SH2D5: variants seen among roughly 807,000 people sequenced by gnomAD.
SH2D5 encodes SH2 domain-containing protein 5.
A neutral mutation model predicts 48.2 loss-of-function variants in SH2D5; 45 were observed. The observed-to-expected ratio is 0.93, with a 90% CI of 0.73 to 1.20. The LOEUF is 1.20. Among genes scored for constraint, SH2D5 ranks in the 50% most tolerant of loss-of-function variants. SH2D5 has a pLI of 0.00. For synonymous variants in SH2D5, 230 were observed against 249.8 expected, an observed-to-expected ratio of 0.92 and a Z score of 0.75; for missense variants, 538 against 584.1, an observed-to-expected ratio of 0.92 and a Z score of 0.81.
chr1:20,726,991 G>A lies in SH2D5; in HGVS notation c.243+10C>T, dbSNP rs200257176. 8.9e-5 allele frequency: 143 copies of A among 1,607,292 alleles called. No individual in the cohort carries two copies. The highest frequency in any genetic ancestry group is 1.2e-4 in the Non-Finnish European group (136 of 1,176,724). ...CTCCAGTCCTCACCTGCACCCACAG[G>A]GGTTCCTACCTCACCCTCCCCGCTG... On this transcript the variant is annotated intron_variant, in intron 4 of 9. Transcript: ENST00000444387.
chr1:20,727,168 C>T, intron 3 of SH2D5, 93 bp from the exon 4 acceptor site: 10 of 1,060,848 alleles, frequency 9.4e-6, no homozygotes, highest in Admixed American at 2.4e-5. Context: ...GGCTGGTCAG[C>T]CCACTCCACC....
Position 20,723,680 on chromosome 1 carries a change from A to G in SH2D5, c.854T>C (p.Val285Ala). The stretch of plus-strand genomic sequence containing the variant: ...CTCCGTCAGGCTGCCCTCGCTCTCC[A>G]CCAGGCACGAGTGGCCACCAGGACC... The part of the protein sequence containing the change: ...PRGPGGHSCL[V>A]ESEGSLTENI... Residue 285 changes from valine (V) to alanine (A), a missense_variant, in exon 8 of 10, where the codon GTG (valine) becomes GCG (alanine). By Grantham distance (64) the Val-to-Ala change is moderately conservative (BLOSUM62 0). Coordinates refer to ENST00000444387, the MANE Select transcript of SH2D5 (RefSeq NM_001103161.2). 1 of 1,613,098 alleles carries G rather than the reference A, an allele frequency of 6.2e-7. No individual in the cohort carries two copies. The highest frequency in any genetic ancestry group is 8.5e-7 in the Non-Finnish European group (1 of 1,179,994).
In SH2D5 at chr1:20,720,587, T is replaced by C. The variant is rs2054666399; in HGVS notation, c.*1205A>G. ...TAAGAGAAGTTCATGCAAAATGAACTTGTTCTATAACAGAGTTCAGTAGAT... is the reference window on the plus strand; with the variant it reads ...TAAGAGAAGTTCATGCAAAATGAACCTGTTCTATAACAGAGTTCAGTAGAT... On this transcript the variant is annotated 3_prime_UTR_variant, in exon 10 of 10. Transcript: ENST00000444387. 1 of 152,270 alleles carries C rather than the reference T, an allele frequency of 6.6e-6. No homozygotes were observed. Among genetic ancestry groups the C allele is most frequent in the African/African-American group, 2.4e-5 (1 of 41,476 alleles). The allele number at this position is 152,270 out of a possible 1,614,324, so 9.4% of individuals were successfully genotyped here.
At position 20,727,076 on chromosome 1, in the gene SH2D5, C is replaced by G. The variant is rs1192207182; in HGVS notation, c.169-1G>C. 4 of 1,610,430 alleles carry G rather than the reference C, an allele frequency of 2.5e-6. No homozygotes were observed. The highest frequency in any genetic ancestry group is 3.4e-6 in the Non-Finnish European group (4 of 1,178,282). The stretch of plus-strand genomic sequence containing the variant: ...TGACGGCCCGGCGTCGGGGACAGTC[C>G]TGGGTGGAAAAGAGTAGTGGGGACA... On this transcript the variant is annotated splice_acceptor_variant, in intron 3 of 9. Transcript: ENST00000444387. LOFTEE classifies it high-confidence loss of function.
intron 8 of SH2D5, among the ~76,000 whole-genome samples, chr1:20,723,359 C>T (rs1276930201): frequency 1.3e-5 from 2 of 152,244 alleles, no homozygotes; most frequent in African/African-American, 2.4e-5. Flanking sequence ...TTAGGGGCCT[C>T]GCCCTGTTCA....
chr1:20,723,751 G>A lies in SH2D5; in HGVS notation c.800-17C>T, dbSNP rs553300148. The stretch of plus-strand genomic sequence containing the variant: ...CGGCAGGAACTGTGGAGACCATCCA[G>A]GAGTCAGAAGGAGAGTGGCCGAGCC... On this transcript the variant is annotated splice_polypyrimidine_tract_variant and intron_variant, in intron 7 of 9. Coordinates refer to ENST00000444387, the MANE Select transcript of SH2D5 (RefSeq NM_001103161.2). 3.8e-6 allele frequency: 6 copies of A among 1,598,022 alleles called. No homozygotes were observed. In the South Asian group the frequency reaches 6.6e-5, roughly 18 times the overall value.
Position 20,721,749 on chromosome 1 carries a change from G to C in SH2D5, c.*43C>G. 6.9e-7 allele frequency: 1 copy of C among 1,458,826 alleles called. No homozygotes were observed. Among genetic ancestry groups the C allele is most frequent in the Non-Finnish European group, 9.1e-7 (1 of 1,096,276 alleles). The allele number at this position is 1,458,826 out of a possible 1,614,324, so 90.4% of individuals were successfully genotyped here. A position where few individuals can be genotyped will look rare whatever the true frequency, so the allele number is the denominator to read the frequency against. ...GGGCAGAGATGCTGCTGGGGCCCAG[G>C]AGCCGGGGTGAGGCGGGGCCTGTGG... On this transcript the variant is annotated 3_prime_UTR_variant, in exon 10 of 10. Transcript: ENST00000444387.
In SH2D5 at chr1:20,728,100, G is replaced by T. The variant is rs534837198; in HGVS notation, c.-42-14C>A. The T allele has an allele frequency of 1.1e-5, 14 of 1,297,248 alleles. No individual in the cohort carries two copies. Among genetic ancestry groups the T allele is most frequent in the Admixed American group, 4.1e-5 (2 of 48,394 alleles). The allele number at this position is 1,297,248 out of a possible 1,614,324, so 80.4% of individuals were successfully genotyped here. A position where few individuals can be genotyped will look rare whatever the true frequency, so the allele number is the denominator to read the frequency against. ...CGGGAGGGGAGGCTGCAAAGGGCAG[G>T]GGGGGAAGGGCTGCTTTCGAGGCAG... On this transcript the variant is annotated splice_polypyrimidine_tract_variant and intron_variant, in intron 1 of 9. Coordinates refer to ENST00000444387, the MANE Select transcript of SH2D5 (RefSeq NM_001103161.2). This position sits in a 1 kb window ranked among gnomAD's most constrained non-coding sequence, Gnocchi z 4.3.
rs1054960091 is a variant in SH2D5 at position 20,732,236 on chromosome 1, G to C, written c.-98C>G. 6.6e-6 allele frequency: 1 copy of C among 152,046 alleles called. No homozygotes were observed. The highest frequency in any genetic ancestry group is 2.1e-4 in the South Asian group (1 of 4,828). The allele number at this position is 152,046 out of a possible 1,614,324, so 9.4% of individuals were successfully genotyped here. On this transcript the variant is annotated 5_prime_UTR_variant, in exon 1 of 10. Transcript: ENST00000444387. The surrounding 1 kb of genome is among the most constrained non-coding windows in gnomAD (Gnocchi z 5.1). The stretch of plus-strand genomic sequence containing the variant: ...GCCGCACCACCCAATCAGCGGCCGC[G>C]AGGGGCCCTGGCACTGCCCACGCCC...
At position 20,725,909 on chromosome 1, in the gene SH2D5, G is replaced by A; in HGVS notation, c.390+11C>T. On this transcript the variant is annotated intron_variant, in intron 5 of 9. Coordinates refer to ENST00000444387, the MANE Select transcript of SH2D5 (RefSeq NM_001103161.2). ...CCTCCGTGGCGGTCCCCTGCCTCAA[G>A]CCCCAGATACCTCTCCTGGCTGGCT... 1 of 1,612,500 alleles carries A rather than the reference G, an allele frequency of 6.2e-7. No homozygotes were observed. The highest frequency in any genetic ancestry group is 2.2e-5 in the East Asian group (1 of 44,884).
In SH2D5 at chr1:20,727,981, T is replaced by C; in HGVS notation, c.64A>G (p.Arg22Gly). 1 of 1,572,822 alleles carries C rather than the reference T, an allele frequency of 6.4e-7. No homozygotes were observed. The highest frequency in any genetic ancestry group is 8.6e-7 in the Non-Finnish European group (1 of 1,159,872). The change falls in exon 2 of 10, where the codon AGG (arginine) becomes GGG (glycine). Residue 22 changes from arginine (R) to glycine (G), a missense_variant. Arg to Gly is a moderately radical substitution (Grantham distance 125). Coordinates refer to ENST00000444387, the MANE Select transcript of SH2D5 (RefSeq NM_001103161.2). ...SDCGLAPHRP[R>G]CITKFAQYVG... ...ACCTGGGCAAACTTGGTGATGCACC[T>C]GGGCCGGTGAGGGGCCAGCCCGCAG...
At chr1:20,722,116 C>T in intron 9 of SH2D5, 121 bp from the exon 10 acceptor site, 1 of 865,830 alleles carries the variant, frequency 1.2e-6, no homozygotes, top group Non-Finnish European at 1.8e-6. Flanking sequence ...CCAGAGGCTT[C>T]ACATGTGCTA....
chr1:20,728,021 G>GC lies in SH2D5; in HGVS notation c.23dup (p.Arg9ProfsTer5). ...CCAGCCCGCAGTCAGAGGCCCTGCGGCCCCCAGCCCCCGCCTTCTGCATGG... is the reference window on the plus strand; with the variant it reads ...CCAGCCCGCAGTCAGAGGCCCTGCGGCCCCCCAGCCCCCGCCTTCTGCATGG... On this transcript the variant is annotated frameshift_variant, in exon 2 of 10. Coordinates refer to ENST00000444387, the MANE Select transcript of SH2D5 (RefSeq NM_001103161.2). LOFTEE classifies it high-confidence loss of function. The surrounding 1 kb of genome is among the most constrained non-coding windows in gnomAD (Gnocchi z 4.3). The GC allele has an allele frequency of 6.4e-7, 1 of 1,553,754 alleles. No individual in the cohort carries two copies.
chr1:20,721,684 G>C lies in SH2D5; in HGVS notation c.*108C>G, dbSNP rs1161905248. On this transcript the variant is annotated 3_prime_UTR_variant, in exon 10 of 10. Transcript: ENST00000444387. ...GCGATGGAAGACTGCTCCAAGGGCA[G>C]GGTGACTGGATGGAACTGGCAACCA... 1.4e-5 allele frequency: 15 copies of C among 1,073,954 alleles called. No homozygotes were observed. Among genetic ancestry groups the C allele is most frequent in the Non-Finnish European group, 1.8e-5 (14 of 769,416 alleles). 66.5% of individuals were successfully genotyped at this position (1,073,954 alleles called of 1,614,324 possible).
At chr1:20,726,092 C>T (rs1487788429) in intron 4 of SH2D5, 26 bp from the exon 5 acceptor site, 5 of 1,570,686 alleles carry the variant, frequency 3.2e-6, no homozygotes, top group Non-Finnish European at 4.3e-6. Flanking sequence ...TGTGAGGCCC[C>T]CATCAGACCC....
At chr1:20,731,771 C>G (rs2154538792) in intron 1 of SH2D5, among the ~76,000 whole-genome samples, 1 of 152,204 alleles carries the variant, frequency 6.6e-6, no homozygotes, top group East Asian at 1.9e-4. Context: ...GGCTGCCGGT[C>G]CCGCTGCGCT....
At position 20,729,405 on chromosome 1, in the gene SH2D5, G is replaced by A. The variant is rs935298313; in HGVS notation, c.-42-1319C>T. Among the ~76,000 whole-genome samples, 4 of 152,162 alleles carry A rather than the reference G, an allele frequency of 2.6e-5. No homozygotes were observed. The highest frequency in any genetic ancestry group is 9.7e-5 in the African/African-American group (4 of 41,438). On this transcript the variant is annotated intron_variant, in intron 1 of 9. Coordinates refer to ENST00000444387, the MANE Select transcript of SH2D5 (RefSeq NM_001103161.2). This position sits in a 1 kb window ranked among gnomAD's most constrained non-coding sequence, Gnocchi z 4.2. ...AATCCTGTGTGACTTTGGACCAGCT[G>A]CCTCAACCCTCTGAGCCTCCCCTTC...
Position 20,721,864 on chromosome 1 carries a change from T to C in SH2D5, c.1200A>G (p.Pro400=), listed in dbSNP as rs1183729493. ...PTYEEQDCGP[P]GRPPRTLRPL... ...GCCGGAGAGTCCGGGGCGGCCTGCC[T>C]GGGGGCCCACAGTCCTGCTCCTCGT... Residue 400 remains proline (P), a synonymous_variant, in exon 10 of 10, where the codon CCA becomes CCG. Transcript: ENST00000444387. 1 of 1,612,654 alleles carries C rather than the reference T, an allele frequency of 6.2e-7. No homozygotes were observed. Among genetic ancestry groups the C allele is most frequent in the Non-Finnish European group, 8.5e-7 (1 of 1,179,812 alleles).
intron 9 of SH2D5, among the ~76,000 whole-genome samples, 175 bp from the exon 10 acceptor site, chr1:20,722,170 T>C (rs2054700124): frequency 6.6e-6 from 1 of 152,188 alleles, no homozygotes. Context: ...CTTCCCAGCC[T>C]GGATAGGAAT....
Sources: allele counts gnomAD v4.1 joint callset (sites outside exome capture counted in the v4.1 genomes callset), GRCh38; gene constraint gnomAD v4.1.1; non-coding constraint Gnocchi (gnomAD v3.1); transcripts MANE v1.5; gene names NCBI Gene and HGNC (gene_info 2026-07-23, HGNC 2026-07-21).